Variants in TAOK3 observed in about 807,000 individuals in gnomAD.
TAOK3 encodes the protein serine/threonine-protein kinase TAO3.
Under a neutral mutation model 120.4 loss-of-function variants are expected in TAOK3, and 40 were observed. That is an observed-to-expected ratio of 0.33 (90% CI 0.26 to 0.43). The LOEUF (loss-of-function observed/expected upper bound fraction) is 0.43. TAOK3 is among the 20% of genes least tolerant of loss of function. The pLI, the probability that TAOK3 is intolerant of heterozygous loss-of-function variation, is 1.00. For synonymous variants in TAOK3, 355 were observed against 387.5 expected (o/e 0.92, Z 0.99); for missense variants, 821 against 1,112.1 (o/e 0.74, Z 3.72).
intron 9 of TAOK3, among the ~76,000 whole-genome samples, chr12:118,230,962 A>C (rs2039753630): frequency 1.3e-5 from 2 of 152,188 alleles, no homozygotes; most frequent in Non-Finnish European, 2.9e-5. Context: ...CATCAATACA[A>C]GACCAGTTAA....
chr12:118,237,437 G>A (rs1680225720), intron 7 of TAOK3, among the ~76,000 whole-genome samples: 1 of 152,140 alleles, frequency 6.6e-6, no homozygotes, highest in South Asian at 2.1e-4. Flanking sequence ...GAGGGAGGTT[G>A]CAGGGAGGAG....
intron 1 of TAOK3, among the ~76,000 whole-genome samples, chr12:118,348,147 A>C (rs1363201083): frequency 6.6e-6 from 1 of 152,046 alleles, no homozygotes; most frequent in Non-Finnish European, 1.5e-5. Context: ...GACTCAGTTC[A>C]AACTCCATCT....
chr12:118,265,112 C>T (rs1373957579), intron 2 of TAOK3, among the ~76,000 whole-genome samples: 3 of 151,222 alleles, frequency 2.0e-5, no homozygotes, highest in Admixed American at 6.6e-5. Context: ...TATTCTGGGC[C>T]GGGCATGGTG....
intron 19 of TAOK3, 200 bp downstream of exon 19, chr12:118,159,946 G>A: frequency 1.7e-6 from 1 of 599,468 alleles, no homozygotes; most frequent in Non-Finnish European, 3.0e-6. Flanking sequence ...CACTCCTTGA[G>A]TTCCATCTTA....
intron 17 of TAOK3, among the ~76,000 whole-genome samples, chr12:118,164,654 G>C (rs2035464528): frequency 6.6e-6 from 1 of 152,100 alleles, no homozygotes; most frequent in Non-Finnish European, 1.5e-5. Flanking sequence ...CTGACCGCAG[G>C]TGATCCACCC....
At chr12:118,189,560 ACACACACACAC>A (rs1227656760) in intron 14 of TAOK3, among the ~76,000 whole-genome samples, 5 of 101,256 alleles carry the variant, frequency 4.9e-5, no homozygotes, top group Non-Finnish European at 1.0e-4. Flanking sequence ...ACACACACAC[ACACACACACAC>A]ACACACAAAG....
intron 1 of TAOK3, among the ~76,000 whole-genome samples, chr12:118,339,166 T>C (rs61943365): frequency 2.6e-5 from 4 of 151,432 alleles, no homozygotes; most frequent in African/African-American, 9.7e-5. Context: ...TTGTCACTTA[T>C]TAAGTTAACT....
intron 2 of TAOK3, among the ~76,000 whole-genome samples, chr12:118,259,788 G>A (rs1432958167): frequency 1.3e-5 from 2 of 152,148 alleles, no homozygotes; most frequent in East Asian, 1.9e-4. Flanking sequence ...GTTGACCAAG[G>A]TGAGTAGAGT....
chr12:118,314,534 T>G (rs933055182), intron 1 of TAOK3, among the ~76,000 whole-genome samples: 1 of 152,196 alleles, frequency 6.6e-6, no homozygotes, highest in Non-Finnish European at 1.5e-5. Flanking sequence ...TTATTAGATC[T>G]AATGTGATTT....
At chr12:118,221,867 C>T (rs1056510524) in intron 9 of TAOK3, among the ~76,000 whole-genome samples, 5 of 151,834 alleles carry the variant, frequency 3.3e-5, no homozygotes. Flanking sequence ...ATCTCCTGAC[C>T]TCATGATCTG....
intron 17 of TAOK3, among the ~76,000 whole-genome samples, chr12:118,162,771 T>G (rs2035307749): frequency 6.6e-6 from 1 of 152,198 alleles, no homozygotes; most frequent in African/African-American, 2.4e-5. Flanking sequence ...ACTCATGTCT[T>G]TCTTTCTTCC....
chr12:118,256,562 A>C (rs1469819008), intron 2 of TAOK3, among the ~76,000 whole-genome samples: 1 of 152,242 alleles, frequency 6.6e-6, no homozygotes, highest in East Asian at 1.9e-4. Flanking sequence ...ATATAATGGA[A>C]TATTATTCAG....
chr12:118,369,021 A>AAAAG (rs2045826116), intron 1 of TAOK3, among the ~76,000 whole-genome samples: 3 of 146,900 alleles, frequency 2.0e-5, no homozygotes, highest in Middle Eastern at 6.9e-3. Context: ...AAAAAAAAAA[A>AAAAG]AAGAAGAAGA....
intron 19 of TAOK3, chr12:118,159,725 A>G (rs550751389): frequency 4.4e-6 from 1 of 225,468 alleles, no homozygotes; most frequent in Non-Finnish European, 8.8e-6. Context: ...TGCTTAATAA[A>G]AGTTTATTGC....
rs936213018 is a variant in TAOK3, at chr12:118,199,099, G to A, written c.1146C>T (p.His382=). The A allele has an allele frequency of 4.3e-6, 7 of 1,614,004 alleles. No homozygotes were observed. Among genetic ancestry groups the A allele is most frequent in the South Asian group, 1.1e-5 (1 of 91,080 alleles). The change falls in exon 13 of 21, where the codon CAC becomes CAT. Residue 382 remains histidine, a synonymous_variant. Coordinates refer to ENST00000392533, the MANE Select transcript of TAOK3 (RefSeq NM_016281.4). ...DESSSELVMM[H]DDESTINSSS... ...TGGAATTGATTGTGCTTTCGTCATC[G>A]TGCATCATGACAAGTTCGGAACTGC...
chr12:118,252,259 CA>C (rs2040789178), intron 3 of TAOK3, among the ~76,000 whole-genome samples: 1 of 152,162 alleles, frequency 6.6e-6, no homozygotes, highest in South Asian at 2.1e-4. Flanking sequence ...GCAAAACAAA[CA>C]GGTCACAAAT....
chr12:118,274,586 A>G (rs1371261464), intron 1 of TAOK3, among the ~76,000 whole-genome samples: 2 of 152,182 alleles, frequency 1.3e-5, no homozygotes, highest in Admixed American at 6.6e-5. Flanking sequence ...GATAAGAGAC[A>G]GATGGGAAAG....
In TAOK3 at chr12:118,196,050, A is replaced by AAAATAAATAAAT. The variant is rs200676149; in HGVS notation, c.1194+2989_1194+3000dup. Among the ~76,000 whole-genome samples the AAAATAAATAAAT allele has an allele frequency of 9.7e-3, 1,340 of 138,192 alleles. 9 individuals are homozygous for AAAATAAATAAAT. The highest frequency in any genetic ancestry group is 0.014 in the East Asian group (63 of 4,574). 90.7% of individuals were successfully genotyped at this position (138,192 alleles called of 152,430 possible). A position where few individuals can be genotyped will look rare whatever the true frequency, so the allele number is the denominator to read the frequency against. On this transcript the variant is annotated intron_variant, in intron 13 of 20. Coordinates refer to ENST00000392533, the MANE Select transcript of TAOK3 (RefSeq NM_016281.4). ...GGGCGACAGCACGAGACTCCATCTC[A>AAAATAAATAAAT]AAATAAATAAATAAATAAATAAATA...
chr12:118,238,905 T>C (rs2040128685), intron 6 of TAOK3, among the ~76,000 whole-genome samples: 2 of 152,230 alleles, frequency 1.3e-5, no homozygotes, highest in Non-Finnish European at 2.9e-5. Flanking sequence ...TTAACATCAA[T>C]ATAACGTGAG....
Sources: allele counts gnomAD v4.1 joint callset (sites outside exome capture counted in the v4.1 genomes callset), GRCh38; gene constraint gnomAD v4.1.1; transcripts MANE v1.5; gene names NCBI Gene and HGNC (gene_info 2026-07-23, HGNC 2026-07-21).